The following NPL variants were observed in gnomAD, a reference collection of about 807,000 sequenced individuals.
NPL encodes N-acetylneuraminate pyruvate lyase.
Under a neutral mutation model 41.1 loss-of-function variants are expected in NPL, and 32 were observed. The ratio of observed to expected loss-of-function variants is 0.78; its 90% CI spans 0.59 to 1.05. The LOEUF is 1.05. Among genes scored for constraint, NPL ranks in the 50% least tolerant of loss-of-function variants. NPL has a pLI of 0.00. For synonymous variants in NPL, 128 were observed against 134.9 expected (o/e 0.95, Z 0.35); for missense variants, 321 against 378.4 (o/e 0.85, Z 1.26).
chr1:182,811,703 A>T (rs955931984), intron 5 of NPL, among the ~76,000 whole-genome samples: 1 of 152,162 alleles, frequency 6.6e-6, no homozygotes, highest in African/African-American at 2.4e-5. Flanking sequence ...TTCTGTACAC[A>T]TTTAACGATT....
At chr1:182,816,971 C>T (rs1248779718) in intron 8 of NPL, among the ~76,000 whole-genome samples, 165 bp downstream of exon 8, 1 of 152,182 alleles carries the variant, frequency 6.6e-6, no homozygotes, top group Non-Finnish European at 1.5e-5. Flanking sequence ...AGTCCCAGCC[C>T]TTATCAATCA....
chr1:182,812,194 TG>T lies in NPL; in HGVS notation c.270del (p.Lys91ArgfsTer13). On this transcript the variant is annotated frameshift_variant, in exon 6 of 13. Coordinates refer to ENST00000367553, the MANE Select transcript of NPL (RefSeq NM_030769.3). LOFTEE classifies it high-confidence loss of function. ...ATAATTCACGTAGGAGCACTGAGCT[TG>T]AAGGAGTCACAGGAACTGGTATGTA... ...QVIIHVGALSLKESQELAQHA... is the reference protein window; with the variant it reads ...QVIIHVGALSXKESQELAQHA... The T allele has an allele frequency of 1.5e-5, 25 of 1,613,918 alleles. No homozygotes were observed. Among genetic ancestry groups the T allele is most frequent in the Non-Finnish European group, 2.1e-5 (25 of 1,179,802 alleles).
intron 6 of NPL, among the ~76,000 whole-genome samples, chr1:182,813,764 G>A (rs549235356): frequency 5.3e-5 from 8 of 152,298 alleles, no homozygotes; most frequent in African/African-American, 1.9e-4. Context: ...TTTATTGGAT[G>A]ATGCTTGAAT....
At chr1:182,816,355 G>A (rs914722295) in intron 7 of NPL, among the ~76,000 whole-genome samples, 3 of 152,288 alleles carry the variant, frequency 2.0e-5, no homozygotes, top group Admixed American at 2.0e-4. Context: ...AGTAGTCTCT[G>A]TTGTTTACTG....
chr1:182,805,593 T>G (rs1457028945), intron 4 of NPL, among the ~76,000 whole-genome samples: 1 of 152,232 alleles, frequency 6.6e-6, no homozygotes, highest in Non-Finnish European at 1.5e-5. Flanking sequence ...TTTGCTGGGT[T>G]GTTGTGAGAG....
chr1:182,806,312 C>T, intron 5 of NPL, 80 bp downstream of exon 5: 2 of 1,592,316 alleles, frequency 1.3e-6, no homozygotes, highest in Non-Finnish European at 1.7e-6. Flanking sequence ...GATACGCCCT[C>T]CCTGCTTCCT....
intron 10 of NPL, 78 bp downstream of exon 10, chr1:182,818,937 G>C: frequency 8.5e-7 from 1 of 1,183,128 alleles, no homozygotes; most frequent in South Asian, 1.2e-5. Flanking sequence ...TGTATTTCTT[G>C]CATGTGTATC....
intron 3 of NPL, among the ~76,000 whole-genome samples, chr1:182,802,424 T>C (rs1383505157): frequency 6.6e-6 from 1 of 152,238 alleles, no homozygotes. Flanking sequence ...TTATGCCTTT[T>C]GACATGTACA....
At chr1:182,827,938 T>C (rs1327737230) in intron 12 of NPL, among the ~76,000 whole-genome samples, 1 of 152,240 alleles carries the variant, frequency 6.6e-6, no homozygotes, top group East Asian at 1.9e-4. Context: ...TTCCACCAGT[T>C]CTAACCAGTC....
intron 2 of NPL, 75 bp from the exon 3 acceptor site, chr1:182,794,281 A>G: frequency 8.0e-7 from 1 of 1,253,302 alleles, no homozygotes; most frequent in African/African-American, 1.5e-5. Flanking sequence ...TCTAAACTAG[A>G]AATGGACTTT....
intron 11 of NPL, among the ~76,000 whole-genome samples, chr1:182,822,734 A>G (rs76499075): frequency 6.6e-6 from 1 of 152,206 alleles, no homozygotes; most frequent in African/African-American, 2.4e-5. Context: ...GACAGGAAGG[A>G]AAAACCAGCA....
intron 3 of NPL, among the ~76,000 whole-genome samples, chr1:182,797,001 C>A (rs1212101306): frequency 1.4e-5 from 2 of 146,784 alleles, no homozygotes; most frequent in Non-Finnish European, 3.0e-5. Flanking sequence ...TTCCACTGCA[C>A]TCTACCCTGG....
chr1:182,814,015 CAA>C (rs2102553902), intron 6 of NPL, among the ~76,000 whole-genome samples: 1 of 152,338 alleles, frequency 6.6e-6, no homozygotes, highest in East Asian at 1.9e-4. Context: ...TATTACAAGT[CAA>C]AGTCTCAGAA....
chr1:182,814,150 C>T (rs1228265917), intron 6 of NPL, among the ~76,000 whole-genome samples: 1 of 152,156 alleles, frequency 6.6e-6, no homozygotes, highest in Admixed American at 6.6e-5. Flanking sequence ...AGATCTGAGC[C>T]CTGCCCTGAG....
At chr1:182,818,965 C>T in intron 10 of NPL, 106 bp downstream of exon 10, 1 of 967,544 alleles carries the variant, frequency 1.0e-6, no homozygotes. Flanking sequence ...ATAGAAGTTT[C>T]CTTTCTTTTC....
At chr1:182,790,659 T>C (rs1197255518) in intron 1 of NPL, among the ~76,000 whole-genome samples, 1 of 149,062 alleles carries the variant, frequency 6.7e-6, no homozygotes, top group Non-Finnish European at 1.5e-5. Flanking sequence ...GTTGTTGTTT[T>C]TGAGACGGAG....
At chr1:182,795,829 T>C (rs1490323557) in intron 3 of NPL, 1 of 152,198 alleles carries the variant, frequency 6.6e-6, no homozygotes. Context: ...AGGATTTACT[T>C]CCTGTTACAG....
intron 5 of NPL, 76 bp downstream of exon 5, chr1:182,806,308 C>T: frequency 1.3e-6 from 2 of 1,595,970 alleles, no homozygotes; most frequent in Admixed American, 1.8e-5. Flanking sequence ...AGAGGATACG[C>T]CCTCCCTGCT....
chr1:182,829,438 T>A lies in NPL; in HGVS notation c.*530T>A. The A allele has an allele frequency of 7.0e-7, 1 of 1,426,446 alleles. No individual in the cohort carries two copies. The highest frequency in any genetic ancestry group is 9.2e-7 in the Non-Finnish European group (1 of 1,089,162). 88.4% of individuals were successfully genotyped at this position (1,426,446 alleles called of 1,614,324 possible). On this transcript the variant is annotated 3_prime_UTR_variant, in exon 13 of 13. Coordinates refer to ENST00000367553, the MANE Select transcript of NPL (RefSeq NM_030769.3). ...CTGCTCAGTCTAACTCTAGAATGGATGCTTTTGAATTCATTTCGATGTCAC... is the reference window on the plus strand; with the variant it reads ...CTGCTCAGTCTAACTCTAGAATGGAAGCTTTTGAATTCATTTCGATGTCAC...
Sources: gnomAD v4.1 joint callset for allele counts (sites outside exome capture counted in the v4.1 genomes callset) on GRCh38, gnomAD v4.1.1 for gene constraint, MANE v1.5 for transcripts, NCBI Gene and HGNC (gene_info 2026-07-23, HGNC 2026-07-21) for gene names.